The following PLEKHS1 variants were observed in gnomAD, a reference collection of about 807,000 sequenced individuals.
PLEKHS1 encodes pleckstrin homology domain containing S1.
In PLEKHS1, 55 loss-of-function variants were observed where a neutral mutation model predicts 51.0. The observed-to-expected ratio is 1.08, with a 90% CI of 0.87 to 1.35. The LOEUF is 1.35. PLEKHS1 is among the 40% of genes most tolerant of loss of function. The pLI is 0.00. For missense variants in PLEKHS1, 398 were observed against 423.0 expected, an observed-to-expected ratio of 0.94 and a Z score of 0.52; for synonymous variants, 153 against 144.8, an observed-to-expected ratio of 1.06 and a Z score of -0.41.
At chr10:113,757,966 T>G (rs1451076182) in intron 2 of PLEKHS1, among the ~76,000 whole-genome samples, 2 of 152,234 alleles carry the variant, frequency 1.3e-5, no homozygotes, top group African/African-American at 4.8e-5. Context: ...ATTGCAGCAA[T>G]TCAGTCACAT....
chr10:113,773,444 A>ATAAT (rs1461103367), intron 8 of PLEKHS1, among the ~76,000 whole-genome samples: 1 of 152,084 alleles, frequency 6.6e-6, no homozygotes, highest in East Asian at 1.9e-4. Flanking sequence ...AAATAAATAA[A>ATAAT]TAAGTAAAAA....
At chr10:113,764,567 C>T (rs1344945475) in intron 2 of PLEKHS1, among the ~76,000 whole-genome samples, 1 of 151,946 alleles carries the variant, frequency 6.6e-6, no homozygotes, top group Non-Finnish European at 1.5e-5. Context: ...TATGACATGC[C>T]TTGGTGTACT....
intron 11 of PLEKHS1, chr10:113,777,476 C>A: frequency 6.3e-7 from 1 of 1,593,154 alleles, no homozygotes; most frequent in Non-Finnish European, 8.6e-7. Flanking sequence ...AGACAGAGCA[C>A]CTGGGTTCAG....
intron 2 of PLEKHS1, among the ~76,000 whole-genome samples, chr10:113,762,919 C>T (rs1564818788): frequency 6.6e-6 from 1 of 151,926 alleles, no homozygotes; most frequent in South Asian, 2.1e-4. Flanking sequence ...TTCTATGAGG[C>T]CAGCATTACT....
downstream of PLEKHS1, chr10:113,782,519 G>C (rs1844892019): frequency 6.6e-6 from 1 of 152,264 alleles, no homozygotes; most frequent in African/African-American, 2.4e-5. Context: ...GAGGCAGCTG[G>C]ATCGTGAGGT....
At chr10:113,755,482 G>C (rs1854067854) in intron 2 of PLEKHS1, 177 bp downstream of exon 2, 1 of 1,221,928 alleles carries the variant, frequency 8.2e-7, no homozygotes, top group Non-Finnish European at 1.0e-6. Flanking sequence ...CACGATCTAA[G>C]CTCACTGCAA....
At chr10:113,758,631 C>T (rs1843780185) in intron 2 of PLEKHS1, among the ~76,000 whole-genome samples, 1 of 152,138 alleles carries the variant, frequency 6.6e-6, no homozygotes, top group African/African-American at 2.4e-5. Context: ...TCACCTTTCA[C>T]TTGACACTCG....
intron 8 of PLEKHS1, among the ~76,000 whole-genome samples, chr10:113,773,517 C>T (rs1380565964): frequency 6.6e-6 from 1 of 152,134 alleles, no homozygotes; most frequent in East Asian, 1.9e-4. Flanking sequence ...TCAGAGTGGG[C>T]TGTGGGACTT....
At chr10:113,759,508 T>C (rs892682865) in intron 2 of PLEKHS1, among the ~76,000 whole-genome samples, 6 of 152,232 alleles carry the variant, frequency 3.9e-5, no homozygotes, top group African/African-American at 1.4e-4. Flanking sequence ...TTTATTAGAG[T>C]TTAACATAAA....
chr10:113,756,913 CTTTTTTTTTTT>C (rs397845343), intron 2 of PLEKHS1, among the ~76,000 whole-genome samples: 1 of 109,894 alleles, frequency 9.1e-6, no homozygotes, highest in Non-Finnish European at 1.8e-5. Context: ...TTAGATTGGT[CTTTTTTTTTTT>C]TTTTTTTTTT....
intron 5 of PLEKHS1, among the ~76,000 whole-genome samples, 158 bp downstream of exon 5, chr10:113,767,637 A>T (rs1160554479): frequency 6.6e-6 from 1 of 152,234 alleles, no homozygotes; most frequent in Non-Finnish European, 1.5e-5. Flanking sequence ...TATCTTGAAA[A>T]GTTACTGAGC....
intron 7 of PLEKHS1, among the ~76,000 whole-genome samples, chr10:113,771,640 A>T (rs1020677059): frequency 7.0e-5 from 10 of 142,198 alleles, no homozygotes; most frequent in African/African-American, 2.7e-4. Context: ...GCGCCACTGC[A>T]CTCCAGCCTG....
rs1015043481 is a variant in PLEKHS1, at chr10:113,767,869, G to A, written c.359+390G>A. Among the ~76,000 whole-genome samples, 15 of 152,188 alleles carry A rather than the reference G, an allele frequency of 9.9e-5. No individual in the cohort carries two copies. The South Asian group carries it at 1.5e-3, about 15-fold the overall frequency. ...AACATAACTCCAGTCTTCACATGGC[G>A]TTCTCCCTGTGTGCATAGCTCTGTG... On this transcript the variant is annotated intron_variant, in intron 5 of 11. Transcript: ENST00000361048.
At chr10:113,775,222 T>C (rs1844595186) in intron 10 of PLEKHS1, among the ~76,000 whole-genome samples, 187 bp downstream of exon 10, 1 of 151,980 alleles carries the variant, frequency 6.6e-6, no homozygotes, top group Non-Finnish European at 1.5e-5. Context: ...AGATCTCAAG[T>C]AAAGCAGTTC....
intron 8 of PLEKHS1, 43 bp from the exon 9 acceptor site, chr10:113,774,184 A>G (rs1200420181): frequency 8.1e-7 from 1 of 1,233,616 alleles, no homozygotes; most frequent in African/African-American, 1.5e-5. Flanking sequence ...TACCTGACTT[A>G]TCGGTAAACT....
At chr10:113,780,352 C>G (rs1394348732) in intron 11 of PLEKHS1, among the ~76,000 whole-genome samples, 2 of 152,142 alleles carry the variant, frequency 1.3e-5, no homozygotes, top group African/African-American at 4.8e-5. Context: ...AGAGCACCAT[C>G]AATGCTACCT....
At chr10:113,761,882 G>A (rs1172031173) in intron 2 of PLEKHS1, among the ~76,000 whole-genome samples, 1 of 151,906 alleles carries the variant, frequency 6.6e-6, no homozygotes, top group Non-Finnish European at 1.5e-5. Context: ...ATTTTTTTGG[G>A]AGGCTTTGTG....
At position 113,754,905 on chromosome 10, in the gene PLEKHS1, C is replaced by T. The variant is rs185143980; in HGVS notation, c.-19-354C>T. ...TACGTTGGCTCCATGGCATCCTGCC[C>T]TTTGCCCTGTTCTTATCTCTCCTTT... On this transcript the variant is annotated intron_variant, in intron 1 of 11. Coordinates refer to ENST00000361048, the Ensembl canonical transcript of PLEKHS1. Among the ~76,000 whole-genome samples the T allele has an allele frequency of 2.0e-5, 3 of 152,312 alleles. No homozygotes were observed. In the East Asian group the frequency reaches 5.8e-4, roughly 29 times the overall value.
chr10:113,755,743 C>T (rs1854080258), intron 2 of PLEKHS1, among the ~76,000 whole-genome samples: 2 of 152,188 alleles, frequency 1.3e-5, no homozygotes, highest in Non-Finnish European at 2.9e-5. Flanking sequence ...CATTCTGTGA[C>T]AATGATTCTT....
Sources: gnomAD v4.1 joint callset for allele counts (sites outside exome capture counted in the v4.1 genomes callset) on GRCh38, gnomAD v4.1.1 for gene constraint, MANE v1.5 for transcripts, NCBI Gene and HGNC (gene_info 2026-07-23, HGNC 2026-07-21) for gene names.